Variants in TSG101 observed in about 807,000 individuals in gnomAD.
TSG101 encodes tumor susceptibility gene 101 protein.
TSG101 carries 19 observed loss-of-function variants against 48.5 expected under a neutral mutation model. The ratio of observed to expected loss-of-function variants is 0.39; its 90% CI spans 0.27 to 0.58. TSG101 has a LOEUF of 0.58. Among genes scored for constraint, TSG101 ranks in the 20% least tolerant of loss-of-function variants. The pLI is 0.55. For synonymous variants in TSG101, 174 were observed against 169.4 expected, an observed-to-expected ratio of 1.03 and a Z score of -0.21; for missense variants, 365 against 484.4, an observed-to-expected ratio of 0.75 and a Z score of 2.31.
chr11:18,526,301 G>A (rs1205090278), intron 1 of TSG101, among the ~76,000 whole-genome samples: 1 of 152,106 alleles, frequency 6.6e-6, no homozygotes, highest in African/African-American at 2.4e-5. Context: ...TGGTATTTTC[G>A]CTTCTTTTCT....
At chr11:18,524,394 A>G (rs1265450997) in intron 1 of TSG101, among the ~76,000 whole-genome samples, 1 of 152,200 alleles carries the variant, frequency 6.6e-6, no homozygotes, top group Non-Finnish European at 1.5e-5. Flanking sequence ...TGGAGAGCCT[A>G]CAATCAGATA....
Position 18,526,826 on chromosome 11 carries a change from CT to C in TSG101, c.-11del. The C allele has an allele frequency of 6.2e-7, 1 of 1,601,524 alleles. No homozygotes were observed. Among genetic ancestry groups the C allele is most frequent in the Non-Finnish European group, 8.5e-7 (1 of 1,179,142 alleles). On this transcript the variant is annotated 5_prime_UTR_variant, in exon 1 of 10. Transcript: ENST00000251968. ...TCTCCGACACCGCCATGACGGCCGC[CT>C]GGCGACTCCCTTCCCCGCAGGCAGA...
At chr11:18,486,696 G>C (rs534503801) in intron 7 of TSG101, among the ~76,000 whole-genome samples, 4 of 151,600 alleles carry the variant, frequency 2.6e-5, no homozygotes, top group Non-Finnish European at 5.9e-5. Context: ...CAACCATTGT[G>C]GAAGTCAGTG....
At chr11:18,497,355 T>C (rs1849799838) in intron 7 of TSG101, among the ~76,000 whole-genome samples, 1 of 152,156 alleles carries the variant, frequency 6.6e-6, no homozygotes, top group Non-Finnish European at 1.5e-5. Context: ...ACAATATATA[T>C]TAAAGGATAT....
At chr11:18,521,634 G>T (rs1590290318) in intron 1 of TSG101, among the ~76,000 whole-genome samples, 1 of 143,764 alleles carries the variant, frequency 7.0e-6, no homozygotes, top group African/African-American at 2.6e-5. Context: ...CAAAGTGTTG[G>T]TATTACAGGT....
intron 7 of TSG101, among the ~76,000 whole-genome samples, chr11:18,490,023 A>G (rs1463771574): frequency 6.6e-6 from 1 of 152,256 alleles, no homozygotes; most frequent in Non-Finnish European, 1.5e-5. Context: ...TGTCAATGTT[A>G]ATCAAAATCA....
chr11:18,504,195 C>A (rs1344807857), intron 6 of TSG101, among the ~76,000 whole-genome samples: 2 of 126,642 alleles, frequency 1.6e-5, no homozygotes, highest in South Asian at 2.5e-4. Context: ...GTGAAGCCCC[C>A]ATCTCAAAAA....
At chr11:18,520,190 G>T (rs768820730) in intron 1 of TSG101, among the ~76,000 whole-genome samples, 4 of 152,220 alleles carry the variant, frequency 2.6e-5, no homozygotes, top group Middle Eastern at 6.8e-3. Flanking sequence ...ATGTTTTTGA[G>T]ATTATCCACG....
rs1178902334 is a variant in TSG101 at position 18,484,088 on chromosome 11, G to A, written c.641-16C>T. The A allele has an allele frequency of 6.2e-7, 1 of 1,610,700 alleles. No individual in the cohort carries two copies. Among genetic ancestry groups the A allele is most frequent in the Admixed American group, 1.7e-5 (1 of 59,430 alleles). ...CTACTGGGACCTGCAGGAAACAGAG[G>A]CAAAAAACACTTGCTTACTTCCCAA... On this transcript the variant is annotated splice_polypyrimidine_tract_variant and intron_variant, in intron 7 of 9. Transcript: ENST00000251968.
chr11:18,506,920 G>A lies in TSG101; in HGVS notation c.485C>T (p.Ser162Phe). ...PYQATGPPNT[S>F]YMPGMPGGIS... is the part of the protein sequence containing the mutation. The stretch of plus-strand genomic sequence containing the variant: ...TCCACCTGGCATGCCTGGCATGTAG[G>A]AAGCTAAAAACAATTTTTTTCACAT... Residue 162 changes from serine to phenylalanine, a missense_variant, in exon 6 of 10, where the codon TCC becomes TTC. Physicochemically the swap from Ser to Phe is radical, Grantham distance 155 (BLOSUM62 -2). Coordinates refer to ENST00000251968, the MANE Select transcript of TSG101 (RefSeq NM_006292.4). 1 of 1,605,604 alleles carries A rather than the reference G, an allele frequency of 6.2e-7. No homozygotes were observed. Among genetic ancestry groups the A allele is most frequent in the Non-Finnish European group, 8.5e-7 (1 of 1,174,826 alleles).
In TSG101 at chr11:18,512,950, A is replaced by AT. The variant is rs1299633218; in HGVS notation, c.357+1727_357+1728insA. 1.4e-3 allele frequency among the ~76,000 whole-genome samples: 211 copies of AT among 151,828 alleles called. 1 individual carries two copies. Among genetic ancestry groups the AT allele is most frequent in the African/African-American group, 4.7e-3 (193 of 41,402 alleles). ...ACCATGTTGGCCAGGCTCGTCTCAA[A>AT]CTTCTGGCCTCAAGTGATCCTCCCG... On this transcript the variant is annotated intron_variant, in intron 4 of 9. Coordinates refer to ENST00000251968, the MANE Select transcript of TSG101 (RefSeq NM_006292.4).
chr11:18,497,048 G>A (rs1172313975), intron 7 of TSG101, among the ~76,000 whole-genome samples: 6 of 151,934 alleles, frequency 3.9e-5, no homozygotes, highest in African/African-American at 1.2e-4. Context: ...CCAAGATCGC[G>A]CCACTGCACT....
chr11:18,505,700 T>G (rs1202598653), intron 6 of TSG101, among the ~76,000 whole-genome samples: 1 of 152,220 alleles, frequency 6.6e-6, no homozygotes, highest in Non-Finnish European at 1.5e-5. Context: ...ACTAAATGGA[T>G]AATAAAGGTT....
intron 9 of TSG101, 188 bp downstream of exon 9, chr11:18,481,442 C>A: frequency 7.2e-7 from 1 of 1,391,488 alleles, no homozygotes; most frequent in Non-Finnish European, 9.3e-7. Context: ...TCTTCCCCTG[C>A]TCAGACCAAT....
chr11:18,503,284 G>C (rs1313280832), intron 6 of TSG101, among the ~76,000 whole-genome samples: 1 of 151,892 alleles, frequency 6.6e-6, no homozygotes, highest in African/African-American at 2.4e-5. Context: ...CATTTTGGAA[G>C]ACACTCAACT....
At chr11:18,525,145 G>A (rs1387993257) in intron 1 of TSG101, among the ~76,000 whole-genome samples, 2 of 152,090 alleles carry the variant, frequency 1.3e-5, no homozygotes, top group African/African-American at 4.8e-5. Context: ...GTGACCTCAG[G>A]TGATCCACCC....
intron 7 of TSG101, among the ~76,000 whole-genome samples, chr11:18,498,091 G>A (rs1272108133): frequency 6.6e-6 from 1 of 151,972 alleles, no homozygotes; most frequent in Non-Finnish European, 1.5e-5. Flanking sequence ...GTTGGAGGGG[G>A]GATTGGTGGT....
intron 8 of TSG101, among the ~76,000 whole-genome samples, chr11:18,482,482 T>G (rs2133900859): frequency 6.6e-6 from 1 of 152,324 alleles, no homozygotes; most frequent in South Asian, 2.1e-4. Flanking sequence ...CTAAGAATTC[T>G]TTACTATTCC....
chr11:18,503,607 C>G (rs771361657), intron 6 of TSG101, among the ~76,000 whole-genome samples: 3 of 152,000 alleles, frequency 2.0e-5, no homozygotes, highest in Non-Finnish European at 4.4e-5. Context: ...CTCCTGACCT[C>G]GTGATTCACC....
Sources: allele counts gnomAD v4.1 joint callset (sites outside exome capture counted in the v4.1 genomes callset), GRCh38; gene constraint gnomAD v4.1.1; transcripts MANE v1.5; gene names NCBI Gene and HGNC (gene_info 2026-07-23, HGNC 2026-07-21).